BAHCC1: variants seen among roughly 807,000 people sequenced by gnomAD.
BAHCC1 encodes the protein BAH and coiled-coil domain-containing protein 1.
In BAHCC1, 43 loss-of-function variants were observed where a neutral mutation model predicts 88.2. The ratio of observed to expected loss-of-function variants is 0.49; its 90% CI spans 0.38 to 0.63. The LOEUF (loss-of-function observed/expected upper bound fraction) is 0.63, where lower values mean the gene tolerates loss of function less well. Ranked by LOEUF, BAHCC1 falls within the 20% of genes least tolerant of loss-of-function variation. The pLI, the probability that BAHCC1 is intolerant of heterozygous loss-of-function variation, is 0.00. For synonymous variants in BAHCC1, 1,510 were observed against 745.5 expected (o/e 2.03, Z -16.71); for missense variants, 3,023 against 1,654.8 (o/e 1.83, Z -14.34).
chr17:81,449,418 C>T (rs1268968436), intron 11 of BAHCC1, among the ~76,000 whole-genome samples: 2 of 152,154 alleles, frequency 1.3e-5, no homozygotes, highest in East Asian at 1.9e-4. Context: ...TTGTCCTGTG[C>T]CAGACAGCAA....
At chr17:81,404,954 T>C (rs2063861254) in intron 2 of BAHCC1, among the ~76,000 whole-genome samples, 1 of 152,200 alleles carries the variant, frequency 6.6e-6, no homozygotes, top group African/African-American at 2.4e-5. Context: ...TTTTTAGGTC[T>C]CCCCACGAAA....
At chr17:81,403,811 C>T (rs555692487) in intron 2 of BAHCC1, among the ~76,000 whole-genome samples, 3 of 152,260 alleles carry the variant, frequency 2.0e-5, no homozygotes, top group South Asian at 2.1e-4. Context: ...TACGGGAATC[C>T]GGGAATGTGG....
At chr17:81,404,407 C>T (rs558977302) in intron 2 of BAHCC1, among the ~76,000 whole-genome samples, 1 of 152,296 alleles carries the variant, frequency 6.6e-6, no homozygotes, top group East Asian at 1.9e-4. Flanking sequence ...GGGCTTCTGG[C>T]GTTTGTCACT....
chr17:81,427,134 C>G (rs1442126425), intron 3 of BAHCC1, among the ~76,000 whole-genome samples, 155 bp downstream of exon 3: 2 of 152,086 alleles, frequency 1.3e-5, no homozygotes, highest in Non-Finnish European at 1.5e-5. Context: ...GCCTCCCTGC[C>G]GAGGAAGCCC....
At chr17:81,407,324 T>C (rs1555647070) in intron 2 of BAHCC1, 1 of 519,856 alleles carries the variant, frequency 1.9e-6, no homozygotes, top group South Asian at 1.4e-5. Context: ...AGAGAAGCCT[T>C]AGCCATATTA....
At chr17:81,406,789 G>C (rs527789304) in intron 2 of BAHCC1, 7 of 427,732 alleles carry the variant, frequency 1.6e-5, no homozygotes, top group South Asian at 8.2e-5. Context: ...GGCAGGCGGC[G>C]CCCAGGTCCT....
In BAHCC1 at chr17:81,459,484, G is replaced by A. The variant is rs369041720; in HGVS notation, c.5797-12G>A. 5.3e-5 allele frequency: 41 copies of A among 778,886 alleles called. No individual in the cohort carries two copies. The highest frequency in any genetic ancestry group is 1.1e-4 in the South Asian group (8 of 74,606). The allele number at this position is 778,886 out of a possible 1,614,324, so 48.2% of individuals were successfully genotyped here. ...CCCACCTGCTCATGGGTCGTCGCCC[G>A]CGTTCCTGCAGGTTCTCGATGTGCG... On this transcript the variant is annotated splice_polypyrimidine_tract_variant and intron_variant, in intron 22 of 27. Transcript: ENST00000675386.
At chr17:81,449,282 C>T (rs2064589758) in intron 11 of BAHCC1, among the ~76,000 whole-genome samples, 1 of 152,022 alleles carries the variant, frequency 6.6e-6, no homozygotes, top group South Asian at 2.1e-4. Flanking sequence ...CCCCCCTGGG[C>T]CCCCACCCCT....
At chr17:81,455,491 T>C (rs542199561) in intron 15 of BAHCC1, 101 bp downstream of exon 15, 60 of 643,206 alleles carry the variant, frequency 9.3e-5, no homozygotes, top group African/African-American at 5.4e-4. Context: ...CCGAAACCCA[T>C]TGCTCAGATG....
rs1232541754 is a variant in BAHCC1 at position 81,435,978 on chromosome 17, A to C, written c.359-2392A>C. ...AGTATGGTCTTATTGGGAAAAAGAAAGGGGCTTTCTGTCGCTGGGCTGGGA... is the reference window on the plus strand; with the variant it reads ...AGTATGGTCTTATTGGGAAAAAGAACGGGGCTTTCTGTCGCTGGGCTGGGA... On this transcript the variant is annotated intron_variant, in intron 3 of 27. Transcript: ENST00000675386. This position sits in a 1 kb window ranked among gnomAD's most constrained non-coding sequence, Gnocchi z 4.4. Among the ~76,000 whole-genome samples the C allele has an allele frequency of 6.6e-6, 1 of 152,196 alleles. No individual in the cohort carries two copies. The highest frequency in any genetic ancestry group is 1.5e-5 in the Non-Finnish European group (1 of 68,026).
chr17:81,405,865 C>G (rs557127174), intron 2 of BAHCC1, among the ~76,000 whole-genome samples: 1 of 152,340 alleles, frequency 6.6e-6, no homozygotes, highest in South Asian at 2.1e-4. Context: ...AACGCCCCAC[C>G]GGAGAGTCTC....
In BAHCC1 at chr17:81,442,418, C is replaced by T; in HGVS notation, c.1069C>T (p.Leu357Phe). Reference sequence around the variant, plus strand: ...ATCCTACGCCGGGCCACCCCCGCCCCTCAGCACAGCCGCCGGCTCCTTCCC... The same window carrying T: ...ATCCTACGCCGGGCCACCCCCGCCCTTCAGCACAGCCGCCGGCTCCTTCCC... ...TASYAGPPPP[L>F]STAAGSFPCL... The change falls in exon 5 of 28, where the codon CTC (leucine) becomes TTC (phenylalanine). Residue 357 changes from leucine (L) to phenylalanine (F), a missense_variant. Coordinates refer to ENST00000675386, the MANE Select transcript of BAHCC1 (RefSeq NM_001377448.1). 5 of 702,070 alleles carry T rather than the reference C, an allele frequency of 7.1e-6. No individual in the cohort carries two copies. The highest frequency in any genetic ancestry group is 6.7e-4 in the Middle Eastern group (2 of 3,002). The allele number at this position is 702,070 out of a possible 1,614,324, so 43.5% of individuals were successfully genotyped here.
At chr17:81,403,895 CA>C (rs1159582856) in intron 2 of BAHCC1, among the ~76,000 whole-genome samples, 1 of 152,264 alleles carries the variant, frequency 6.6e-6, no homozygotes, top group East Asian at 1.9e-4. Context: ...GGGTTTCCCC[CA>C]GTGGGGCTCG....
intron 4 of BAHCC1, among the ~76,000 whole-genome samples, chr17:81,439,756 C>T (rs1057108718): frequency 1.2e-4 from 18 of 152,102 alleles, no homozygotes; most frequent in Non-Finnish European, 2.2e-4. Flanking sequence ...GCCTGGGAGG[C>T]GGACTAGACA....
chr17:81,428,747 C>T (rs1193862689), intron 3 of BAHCC1, among the ~76,000 whole-genome samples: 2 of 152,246 alleles, frequency 1.3e-5, no homozygotes, highest in Admixed American at 6.5e-5. Context: ...CACTCACTTC[C>T]CCTTGTGCCA....
rs1555645573 is a variant in BAHCC1, at chr17:81,399,532, A to G, written c.-206-2A>G. 5.4e-6 allele frequency: 2 copies of G among 373,772 alleles called. No homozygotes were observed. The highest frequency in any genetic ancestry group is 3.1e-5 in the Admixed American group (1 of 32,634). 23.2% of individuals were successfully genotyped at this position (373,772 alleles called of 1,614,324 possible). A position where few individuals can be genotyped will look rare whatever the true frequency, so the allele number is the denominator to read the frequency against. On this transcript the variant is annotated splice_acceptor_variant, in intron 1 of 27. Coordinates refer to ENST00000675386, the MANE Select transcript of BAHCC1 (RefSeq NM_001377448.1). LOFTEE classifies it low-confidence loss of function (5UTR_SPLICE). This position sits in a 1 kb window ranked among gnomAD's most constrained non-coding sequence, Gnocchi z 4.5. ...GTGTCTCCTCTGCTTTTGCCTCCAC[A>G]GACCATGGACCCGCACAGCGGCCGC...
intron 2 of BAHCC1, among the ~76,000 whole-genome samples, chr17:81,417,306 C>G (rs2064045331): frequency 6.6e-6 from 1 of 152,172 alleles, no homozygotes; most frequent in Non-Finnish European, 1.5e-5. Flanking sequence ...ACCCTGGTTG[C>G]ATTCCCACGC....
At chr17:81,428,243 C>T (rs1474160618) in intron 3 of BAHCC1, among the ~76,000 whole-genome samples, 1 of 152,216 alleles carries the variant, frequency 6.6e-6, no homozygotes, top group Non-Finnish European at 1.5e-5. Context: ...GGGGCCCCGC[C>T]TTCCTGGCTC....
At chr17:81,401,077 A>G (rs1372592320) in intron 2 of BAHCC1, 1 of 152,286 alleles carries the variant, frequency 6.6e-6, no homozygotes, top group Non-Finnish European at 1.5e-5. Context: ...TAATAAAATT[A>G]TATCTGCTTT....
Sources: gnomAD v4.1 joint callset for allele counts (sites outside exome capture counted in the v4.1 genomes callset) on GRCh38, gnomAD v4.1.1 for gene constraint, Gnocchi (gnomAD v3.1) non-coding constraint, MANE v1.5 for transcripts, NCBI Gene and HGNC (gene_info 2026-07-23, HGNC 2026-07-21) for gene names.